The following SLC4A10 variants were observed in gnomAD, a reference collection of about 807,000 sequenced individuals.
The protein encoded by SLC4A10 is sodium-driven chloride bicarbonate exchanger.
SLC4A10 carries 42 observed loss-of-function variants against 137.7 expected under a neutral mutation model. The observed-to-expected ratio is 0.30, with a 90% confidence interval of 0.24 to 0.39. The LOEUF (loss-of-function observed/expected upper bound fraction) is 0.39. SLC4A10 is among the 10% of genes least tolerant of loss of function. The probability of loss-of-function intolerance (pLI) is 1.00; values close to 1 mark genes in which losing one functional copy is unlikely to be tolerated. For missense variants in SLC4A10, 925 were observed against 1,355.0 expected, an observed-to-expected ratio of 0.68 and a Z score of 4.98; for synonymous variants, 474 against 464.1, an observed-to-expected ratio of 1.02 and a Z score of -0.27.
In SLC4A10 at chr2:161,671,330, C is replaced by T. The variant is rs529013951; in HGVS notation, c.48+46764C>T. 5.9e-5 allele frequency among the ~76,000 whole-genome samples: 9 copies of T among 152,232 alleles called. No individual in the cohort carries two copies. The South Asian group carries it at 1.2e-3, about 21-fold the overall frequency. ...CAGCAGACACCAAACCTGCCAGCAC[C>T]TTAATCTTGGACTTCCAGAACTGTG... On this transcript the variant is annotated intron_variant, in intron 1 of 26. Transcript: ENST00000446997.
chr2:161,873,447 C>T (rs1473586880), intron 7 of SLC4A10, among the ~76,000 whole-genome samples: 16 of 138,758 alleles, frequency 1.2e-4, no homozygotes, highest in African/African-American at 4.3e-4. Flanking sequence ...GGGAGGATTG[C>T]TTGAGCCTAG....
At chr2:161,710,766 A>G (rs2044198079) in intron 1 of SLC4A10, 2 of 452,852 alleles carry the variant, frequency 4.4e-6, no homozygotes, top group South Asian at 1.6e-5. Context: ...GCTGCCTATA[A>G]AAACTATTTG....
intron 2 of SLC4A10, among the ~76,000 whole-genome samples, chr2:161,786,720 C>CT (rs1181303070): frequency 3.3e-5 from 5 of 150,574 alleles, no homozygotes; most frequent in Non-Finnish European, 5.9e-5. Flanking sequence ...AGTGTAATTG[C>CT]TTTTTAGGAT....
At chr2:161,866,911 G>A (rs2060794216) in intron 6 of SLC4A10, among the ~76,000 whole-genome samples, 1 of 151,736 alleles carries the variant, frequency 6.6e-6, no homozygotes, top group Non-Finnish European at 1.5e-5. Context: ...CTTAAGTATA[G>A]GATGTCTTTA....
At chr2:161,751,069 C>CT (rs1041001011) in intron 1 of SLC4A10, among the ~76,000 whole-genome samples, 2 of 151,736 alleles carry the variant, frequency 1.3e-5, no homozygotes, top group African/African-American at 4.8e-5. Context: ...CATGAAATAT[C>CT]TTTTTCCATC....
At chr2:161,641,979 A>T (rs753814011) in intron 1 of SLC4A10, among the ~76,000 whole-genome samples, 4 of 151,996 alleles carry the variant, frequency 2.6e-5, no homozygotes, top group Non-Finnish European at 4.4e-5. Flanking sequence ...GTAACTTATA[A>T]TTCCATCTGT....
rs1432786926 is a variant in SLC4A10 at position 161,945,202 on chromosome 2, A to G, written c.2103+2305A>G. Among the ~76,000 whole-genome samples the G allele has an allele frequency of 2.3e-3, 135 of 58,054 alleles. 1 individual carries two copies. Among genetic ancestry groups the G allele is most frequent in the Middle Eastern group, 7.6e-3 (1 of 132 alleles). 38.1% of individuals were successfully genotyped at this position (58,054 alleles called of 152,430 possible). A position where few individuals can be genotyped will look rare whatever the true frequency, so the allele number is the denominator to read the frequency against. On this transcript the variant is annotated intron_variant, in intron 16 of 26. Transcript: ENST00000446997. ...TGTGTGTATATATATATATATATAT[A>G]TATATATATATATATATATATATAT...
intron 4 of SLC4A10, among the ~76,000 whole-genome samples, chr2:161,845,836 G>T (rs890143290): frequency 3.3e-5 from 5 of 151,826 alleles, no homozygotes; most frequent in African/African-American, 1.2e-4. Context: ...ATTTAAAATA[G>T]TTTATAGATT....
At chr2:161,918,947 C>T (rs115091516) in intron 15 of SLC4A10, among the ~76,000 whole-genome samples, 5,673 of 152,300 alleles carry the variant, frequency 0.037, 150 homozygotes, top group Non-Finnish European at 0.056. Flanking sequence ...GCCATTGCTG[C>T]AGACCCAGGC....
chr2:161,902,384 A>G (rs2105313916), intron 12 of SLC4A10, among the ~76,000 whole-genome samples: 1 of 152,322 alleles, frequency 6.6e-6, no homozygotes, highest in East Asian at 1.9e-4. Context: ...TATAAATCAT[A>G]AATGAATGCC....
intron 1 of SLC4A10, among the ~76,000 whole-genome samples, chr2:161,637,314 T>G (rs1174487359): frequency 6.6e-6 from 1 of 151,886 alleles, no homozygotes; most frequent in Admixed American, 6.6e-5. Flanking sequence ...TTCTCCTGCC[T>G]CAGCCTCCCG....
intron 3 of SLC4A10, among the ~76,000 whole-genome samples, chr2:161,812,808 T>C (rs1255653430): frequency 1.3e-5 from 2 of 152,132 alleles, no homozygotes; most frequent in Non-Finnish European, 2.9e-5. Context: ...CTATGGTGAA[T>C]AGCACTAAGA....
At chr2:161,837,510 T>C (rs2058892725) in intron 3 of SLC4A10, among the ~76,000 whole-genome samples, 1 of 152,204 alleles carries the variant, frequency 6.6e-6, no homozygotes, top group Non-Finnish European at 1.5e-5. Context: ...CTTAAGGTAC[T>C]ATTCTCCCTA....
At chr2:161,669,654 G>A (rs1037790522) in intron 1 of SLC4A10, among the ~76,000 whole-genome samples, 6 of 152,092 alleles carry the variant, frequency 3.9e-5, no homozygotes, top group African/African-American at 1.2e-4. Context: ...TATAAACATA[G>A]AGCATAGTTG....
At chr2:161,637,745 G>A (rs2034663480) in intron 1 of SLC4A10, among the ~76,000 whole-genome samples, 1 of 152,048 alleles carries the variant, frequency 6.6e-6, no homozygotes, top group Admixed American at 6.6e-5. Flanking sequence ...CCAGTTGTGA[G>A]AAAATCTCCA....
chr2:161,958,676 A>G (rs1696092131), intron 21 of SLC4A10, 121 bp downstream of exon 21: 3 of 605,218 alleles, frequency 5.0e-6, no homozygotes, highest in Non-Finnish European at 8.3e-6. Flanking sequence ...CCACAATTAA[A>G]TTTCTTCAAA....
In SLC4A10 at chr2:161,983,443, A is replaced by G. The variant is rs1700490464; in HGVS notation, c.*291A>G. The stretch of plus-strand genomic sequence containing the variant: ...TCCCTGTGAGCAGATACAATAGCCA[A>G]TGCAAGAATCTGTGTGTTCCTTGCT... On this transcript the variant is annotated 3_prime_UTR_variant, in exon 27 of 27. Coordinates refer to ENST00000446997, the MANE Select transcript of SLC4A10 (RefSeq NM_001178015.2). The G allele has an allele frequency of 7.2e-6, 4 of 553,328 alleles. No individual in the cohort carries two copies. Among genetic ancestry groups the G allele is most frequent in the Non-Finnish European group, 9.5e-6 (3 of 315,972 alleles). The allele number at this position is 553,328 out of a possible 1,614,324, so 34.3% of individuals were successfully genotyped here.
chr2:161,699,767 T>C (rs936846363), intron 1 of SLC4A10, among the ~76,000 whole-genome samples: 4 of 152,114 alleles, frequency 2.6e-5, no homozygotes, highest in Non-Finnish European at 5.9e-5. Context: ...TTGTTCAACT[T>C]TGATGGATAG....
intron 15 of SLC4A10, among the ~76,000 whole-genome samples, chr2:161,909,041 A>G (rs961845865): frequency 5.3e-5 from 7 of 131,704 alleles, no homozygotes; most frequent in Admixed American, 2.7e-4. Flanking sequence ...ATGAGAACAC[A>G]TGGACACAGG....
Sources: gnomAD v4.1 joint callset for allele counts (sites outside exome capture counted in the v4.1 genomes callset) on GRCh38, gnomAD v4.1.1 for gene constraint, MANE v1.5 for transcripts, NCBI Gene and HGNC (gene_info 2026-07-23, HGNC 2026-07-21) for gene names.